The following FBXW4 variants were observed in gnomAD, a reference collection of about 807,000 sequenced individuals.
FBXW4 encodes F-box and WD repeat domain containing 4, also known as F-box/WD repeat-containing protein 4.
In FBXW4, 40 loss-of-function variants were observed where a neutral mutation model predicts 61.8. That is an observed-to-expected ratio of 0.65 (90% CI 0.50 to 0.84). FBXW4 has a LOEUF of 0.84. Among genes scored for constraint, FBXW4 ranks in the 40% least tolerant of loss-of-function variants. The pLI is 0.00. For missense variants in FBXW4, 672 were observed against 753.8 expected (o/e 0.89, Z 1.27); for synonymous variants, 311 against 313.8 (o/e 0.99, Z 0.10).
At chr10:101,624,244 C>G (rs1404226448) in intron 6 of FBXW4, among the ~76,000 whole-genome samples, 1 of 148,592 alleles carries the variant, frequency 6.7e-6, no homozygotes, top group African/African-American at 2.5e-5. Flanking sequence ...TCCTGTGAAT[C>G]TATAATTATT....
Position 101,611,633 on chromosome 10 carries a change from G to A in FBXW4, c.1579C>T (p.Leu527=). 6.2e-7 allele frequency: 1 copy of A among 1,614,184 alleles called. No homozygotes were observed. Among genetic ancestry groups the A allele is most frequent in the Non-Finnish European group, 8.5e-7 (1 of 1,180,020 alleles). The change falls in exon 8 of 9, where the codon CTG becomes TTG. Residue 527 remains leucine (L), a synonymous_variant. Transcript: ENST00000331272. The surrounding 1 kb of genome is among the most constrained non-coding windows in gnomAD (Gnocchi z 4.9). ...GAGGTGGGCAGGACACTTACGTGCA[G>A]GCAGGCCCTTTGACGCCGGTCCCAC... ...RLWDRRQRAC[L]HAFPLTSTPL...
intron 5 of FBXW4, among the ~76,000 whole-genome samples, chr10:101,659,106 T>A (rs1319074363): frequency 6.6e-6 from 1 of 152,036 alleles, no homozygotes; most frequent in East Asian, 1.9e-4. Context: ...CAGCCCTGGC[T>A]GGGCCTCTGT....
At chr10:101,630,976 C>T (rs2063950537) in intron 5 of FBXW4, among the ~76,000 whole-genome samples, 1 of 152,128 alleles carries the variant, frequency 6.6e-6, no homozygotes, top group Non-Finnish European at 1.5e-5. Context: ...AACCTACCAT[C>T]CACAGTGGCA....
In FBXW4 at chr10:101,634,738, T is replaced by C. The variant is rs866035724; in HGVS notation, c.1236-9928A>G. ...CCTCCCAGCAGATATCAATCTCAGA[T>C]GGATTAAGGAGATAAACATTTTTAA... On this transcript the variant is annotated intron_variant, in intron 5 of 8. Transcript: ENST00000331272. Among the ~76,000 whole-genome samples the C allele has an allele frequency of 5.4e-5, 8 of 148,240 alleles. 1 individual carries two copies. The highest frequency in any genetic ancestry group is 1.3e-4 in the Admixed American group (2 of 14,906).
At chr10:101,666,939 C>A (rs1183748608) in intron 5 of FBXW4, among the ~76,000 whole-genome samples, 2 of 151,536 alleles carry the variant, frequency 1.3e-5, no homozygotes, top group Admixed American at 6.6e-5. Context: ...AAAAAACCAC[C>A]CCATTTCTAG....
intron 1 of FBXW4, among the ~76,000 whole-genome samples, chr10:101,687,012 G>A (rs2064540942): frequency 6.6e-6 from 1 of 152,146 alleles, no homozygotes; most frequent in Admixed American, 6.5e-5. Flanking sequence ...GGGAAAAAAG[G>A]AAAAGAAGTA....
chr10:101,639,503 C>G lies in FBXW4; in HGVS notation c.1236-14693G>C, dbSNP rs376288847. 2.0e-5 allele frequency among the ~76,000 whole-genome samples: 3 copies of G among 152,194 alleles called. No individual in the cohort carries two copies. The East Asian group carries it at 5.8e-4, about 29-fold the overall frequency. On this transcript the variant is annotated intron_variant, in intron 5 of 8. Transcript: ENST00000331272. ...CATCATGGAGTCATTTGGCCTTTAT[C>G]CAACTAGTAGACACCTATTGTTCTG...
At chr10:101,624,119 CAG>C (rs1554925901) in intron 6 of FBXW4, among the ~76,000 whole-genome samples, 5 of 148,570 alleles carry the variant, frequency 3.4e-5, no homozygotes, top group Non-Finnish European at 6.0e-5. Flanking sequence ...CACACACACA[CAG>C]AGTGCAATCT....
rs886046646 is a variant in FBXW4, at chr10:101,694,732, A to G, written c.374T>C (p.Val125Ala). 1.1e-5 allele frequency: 15 copies of G among 1,366,960 alleles called. No homozygotes were observed. Among genetic ancestry groups the G allele is most frequent in the Non-Finnish European group, 1.3e-5 (14 of 1,068,538 alleles). 84.7% of individuals were successfully genotyped at this position (1,366,960 alleles called of 1,614,324 possible). A position where few individuals can be genotyped will look rare whatever the true frequency, so the allele number is the denominator to read the frequency against. Residue 125 changes from valine (V) to alanine (A), a missense_variant, in exon 1 of 9, where the codon GTC (valine) becomes GCC (alanine). Physicochemically the swap from Val to Ala is moderately conservative, Grantham distance 64. This residue lies in a region of FBXW4 where 311 missense variants were observed against 301.1 expected (regional missense o/e 1.03). Transcript: ENST00000331272. The surrounding 1 kb of genome is among the most constrained non-coding windows in gnomAD (Gnocchi z 6.0). Reference protein sequence around the residue: ...REYGKKEEWRVRARRREGARP... With the variant: ...REYGKKEEWRARARRREGARP... ...GGCGCCCTCCCGCCGCCTAGCCCTG[A>G]CCCTCCATTCCTCCTTCTTCCCATA...
chr10:101,692,741 C>T (rs1238477400), intron 1 of FBXW4, among the ~76,000 whole-genome samples: 10 of 88,526 alleles, frequency 1.1e-4, no homozygotes, highest in Admixed American at 4.4e-4. Flanking sequence ...AGTGAAACTC[C>T]GTCTCAAAAA....
At position 101,627,447 on chromosome 10, in the gene FBXW4, A is replaced by G. The variant is rs1240603015; in HGVS notation, c.1236-2637T>C. ...ACCCAAACCATGGGGCCTGCCCAGG[A>G]CTCTTGGGGGTCAGGCTGGGTGCAG... On this transcript the variant is annotated intron_variant, in intron 5 of 8. Transcript: ENST00000331272. Among the ~76,000 whole-genome samples, 3 of 152,092 alleles carry G rather than the reference A, an allele frequency of 2.0e-5. No individual in the cohort carries two copies. The East Asian group carries it at 5.8e-4, about 29-fold the overall frequency.
At chr10:101,683,747 C>G (rs1388761910) in intron 1 of FBXW4, among the ~76,000 whole-genome samples, 1 of 152,078 alleles carries the variant, frequency 6.6e-6, no homozygotes, top group Non-Finnish European at 1.5e-5. Context: ...CCCTCTCTGT[C>G]CCATCTCACA....
At chr10:101,613,820 G>T (rs543070333) in intron 6 of FBXW4, among the ~76,000 whole-genome samples, 1 of 152,318 alleles carries the variant, frequency 6.6e-6, no homozygotes, top group South Asian at 2.1e-4. Flanking sequence ...CTGCCAGGGG[G>T]GAATTAATCC....
At chr10:101,692,408 G>A (rs183399170) in intron 1 of FBXW4, among the ~76,000 whole-genome samples, 14 of 152,026 alleles carry the variant, frequency 9.2e-5, no homozygotes, top group African/African-American at 3.1e-4. Context: ...ACAATAGTAA[G>A]TTGAATTCAC....
chr10:101,687,310 G>A (rs941403359), intron 1 of FBXW4, among the ~76,000 whole-genome samples: 6 of 152,156 alleles, frequency 3.9e-5, no homozygotes, highest in African/African-American at 1.4e-4. Context: ...CAGGAGAGCT[G>A]GGGGTATCCC....
Position 101,676,403 on chromosome 10 carries a change from C to T in FBXW4, c.759G>A (p.Lys253=), listed in dbSNP as rs1245275393. The change falls in exon 2 of 9, where the codon AAG becomes AAA. Residue 253 remains lysine, a synonymous_variant. Coordinates refer to ENST00000331272, the MANE Select transcript of FBXW4 (RefSeq NM_022039.4). ...GCCCCAGTCTCCAGTTCTGAGACAC[C>T]TTCACTCGTTCCTTCACTGGGACAC... ...MTSVPVKERV[K]VSQNWRLGRC... 1.9e-6 allele frequency: 3 copies of T among 1,613,584 alleles called. No individual in the cohort carries two copies. The highest frequency in any genetic ancestry group is 4.5e-5 in the East Asian group (2 of 44,876).
intron 6 of FBXW4, among the ~76,000 whole-genome samples, chr10:101,623,642 T>C (rs773968510): frequency 8.5e-5 from 13 of 152,186 alleles, no homozygotes; most frequent in Admixed American, 6.5e-5. Context: ...CGTGTTGTAA[T>C]AGCTTTAGTT....
intron 4 of FBXW4, among the ~76,000 whole-genome samples, chr10:101,670,521 C>T (rs950890760): frequency 2.0e-5 from 3 of 152,246 alleles, no homozygotes; most frequent in Non-Finnish European, 4.4e-5. Context: ...CCACCCTCTA[C>T]ACTTTCTGGC....
At chr10:101,686,884 C>T (rs567568045) in intron 1 of FBXW4, among the ~76,000 whole-genome samples, 4 of 151,910 alleles carry the variant, frequency 2.6e-5, no homozygotes, top group Non-Finnish European at 5.9e-5. Flanking sequence ...CTTAGCAACT[C>T]ACTTCTGGAG....
Sources: gnomAD v4.1 joint callset for allele counts (sites outside exome capture counted in the v4.1 genomes callset) on GRCh38, gnomAD v4.1.1 for gene constraint, gnomAD v4.1.1 regional missense constraint, Gnocchi (gnomAD v3.1) non-coding constraint, MANE v1.5 for transcripts, NCBI Gene and HGNC (gene_info 2026-07-23, HGNC 2026-07-21) for gene names.